The following ANKS1B variants were observed in gnomAD, a reference collection of about 807,000 sequenced individuals.
ANKS1B encodes ankyrin repeat and sterile alpha motif domain containing 1B.
ANKS1B carries 36 observed loss-of-function variants against 148.3 expected under a neutral mutation model. The observed-to-expected ratio is 0.24, with a 90% CI of 0.19 to 0.32. The LOEUF (loss-of-function observed/expected upper bound fraction) is 0.32, where lower values mean the gene tolerates loss of function less well. Ranked by LOEUF, ANKS1B falls within the 10% of genes least tolerant of loss-of-function variation. The probability of loss-of-function intolerance (pLI) is 1.00; values close to 1 mark genes in which losing one functional copy is unlikely to be tolerated. For missense variants in ANKS1B, 1,157 were observed against 1,542.6 expected (o/e 0.75, Z 4.19); for synonymous variants, 542 against 560.8 (o/e 0.97, Z 0.47).
intron 12 of ANKS1B, among the ~76,000 whole-genome samples, chr12:99,320,991 G>A (rs1244152845): frequency 6.6e-6 from 1 of 152,178 alleles, no homozygotes; most frequent in African/African-American, 2.4e-5. Context: ...GTTTGCCTGA[G>A]TATCCCCAGC....
At chr12:99,513,415 T>G (rs2096786100) in intron 9 of ANKS1B, among the ~76,000 whole-genome samples, 1 of 152,100 alleles carries the variant, frequency 6.6e-6, no homozygotes, top group Non-Finnish European at 1.5e-5. Flanking sequence ...AATTACACTG[T>G]CTTGATTAGT....
At chr12:99,074,329 TA>T (rs79798452) in intron 16 of ANKS1B, among the ~76,000 whole-genome samples, 13,658 of 138,720 alleles carry the variant, frequency 0.098, 1,395 homozygotes, top group African/African-American at 0.26. Flanking sequence ...GATAAATTCT[TA>T]AAAAAAAAAA....
intron 14 of ANKS1B, among the ~76,000 whole-genome samples, chr12:99,181,121 G>A (rs534283115): frequency 6.6e-6 from 1 of 152,212 alleles, no homozygotes; most frequent in Admixed American, 6.5e-5. Context: ...GTTCATTTCT[G>A]AAGCCTTGTG....
At chr12:99,782,167 GC>G in intron 4 of ANKS1B, 70 bp from the exon 5 acceptor site, 14 of 1,259,240 alleles carry the variant, frequency 1.1e-5, no homozygotes, top group African/African-American at 1.5e-5. Context: ...GAAATAAAAT[GC>G]TCACATTTTA....
intron 8 of ANKS1B, among the ~76,000 whole-genome samples, chr12:99,698,973 G>T (rs7299666): frequency 0.33 from 39,835 of 119,470 alleles, 5,608 homozygotes; most frequent in Non-Finnish European, 0.39. Flanking sequence ...TGTGTGTGTG[G>T]GTGTGCACGC....
At chr12:98,968,863 G>A (rs1219974362) in intron 17 of ANKS1B, among the ~76,000 whole-genome samples, 2 of 152,104 alleles carry the variant, frequency 1.3e-5, no homozygotes, top group Admixed American at 1.3e-4. Flanking sequence ...GATTAAAACT[G>A]AACTTTGCTT....
At chr12:99,952,747 T>G (rs1195482594) in intron 1 of ANKS1B, among the ~76,000 whole-genome samples, 3 of 152,192 alleles carry the variant, frequency 2.0e-5, no homozygotes, top group Non-Finnish European at 4.4e-5. Flanking sequence ...ATCAATGTCT[T>G]TTCTATAGGG....
chr12:99,467,799 G>C (rs947373641), intron 10 of ANKS1B, among the ~76,000 whole-genome samples: 18 of 152,144 alleles, frequency 1.2e-4, no homozygotes, highest in Admixed American at 3.3e-4. Flanking sequence ...AGGATACAAA[G>C]AAATGGAAGA....
chr12:98,870,446 T>A (rs1476987435), intron 17 of ANKS1B, among the ~76,000 whole-genome samples: 1 of 152,226 alleles, frequency 6.6e-6, no homozygotes, highest in Non-Finnish European at 1.5e-5. Context: ...GGGGAGCATG[T>A]GTTCTTTACT....
intron 1 of ANKS1B, among the ~76,000 whole-genome samples, chr12:99,893,072 A>T (rs547153219): frequency 1.3e-5 from 2 of 152,212 alleles, no homozygotes; most frequent in East Asian, 3.9e-4. Flanking sequence ...TGAGTCATTA[A>T]TTGGTAGAGA....
chr12:99,163,104 G>A lies in ANKS1B; in HGVS notation c.2420-8709C>T, dbSNP rs140038506. On this transcript the variant is annotated intron_variant, in intron 14 of 26. Transcript: ENST00000683438. ...GTAAATGAGTTTTAATTTATTATTTGTTGGTTATTTGTAAAAAGTTAAAAT... is the reference window on the plus strand; with the variant it reads ...GTAAATGAGTTTTAATTTATTATTTATTGGTTATTTGTAAAAAGTTAAAAT... Among the ~76,000 whole-genome samples the A allele has an allele frequency of 9.4e-3, 1,419 of 151,542 alleles. 21 individuals are homozygous for A. Among genetic ancestry groups the A allele is most frequent in the African/African-American group, 0.032 (1,343 of 41,412 alleles).
chr12:99,311,337 T>C (rs1224996188), intron 12 of ANKS1B, among the ~76,000 whole-genome samples: 1 of 151,632 alleles, frequency 6.6e-6, no homozygotes, highest in Non-Finnish European at 1.5e-5. Flanking sequence ...TGTGGGTGAG[T>C]GGGTGCATCC....
chr12:98,942,596 A>C (rs957826069), intron 17 of ANKS1B, among the ~76,000 whole-genome samples: 2 of 152,334 alleles, frequency 1.3e-5, no homozygotes, highest in East Asian at 3.9e-4. Context: ...CATTACCTGT[A>C]TATGTCTGTG....
intron 9 of ANKS1B, among the ~76,000 whole-genome samples, chr12:99,602,111 C>A (rs2097805083): frequency 6.6e-6 from 1 of 152,000 alleles, no homozygotes; most frequent in Non-Finnish European, 1.5e-5. Context: ...TCAGAAAGAT[C>A]TTGCTTCTGT....
At chr12:99,639,175 G>T (rs1598608930) in intron 9 of ANKS1B, among the ~76,000 whole-genome samples, 1 of 152,190 alleles carries the variant, frequency 6.6e-6, no homozygotes, top group African/African-American at 2.4e-5. Context: ...GATTGTTTTA[G>T]AACTTAAAGG....
rs555181158 is a variant in ANKS1B, at chr12:99,495,036, T to C, written c.1438+9440A>G. On this transcript the variant is annotated intron_variant, in intron 10 of 26. Transcript: ENST00000683438. ...AGTGAGAGACAAGGGAGGAAAAGTA[T>C]CTCAGGATTGAGGAAAGCAATACAG... 8.5e-5 allele frequency among the ~76,000 whole-genome samples: 13 copies of C among 152,224 alleles called. No homozygotes were observed. In the East Asian group the frequency reaches 1.4e-3, roughly 16 times the overall value.
intron 1 of ANKS1B, among the ~76,000 whole-genome samples, chr12:99,869,876 A>G (rs1717611228): frequency 6.6e-6 from 1 of 152,216 alleles, no homozygotes; most frequent in African/African-American, 2.4e-5. Flanking sequence ...TGAATAACTC[A>G]TGACCTTTAT....
chr12:98,916,853 C>T (rs543190809), intron 17 of ANKS1B, among the ~76,000 whole-genome samples: 1 of 152,262 alleles, frequency 6.6e-6, no homozygotes, highest in South Asian at 2.1e-4. Flanking sequence ...ATTCCTGGTA[C>T]ATATCAGATC....
intron 17 of ANKS1B, among the ~76,000 whole-genome samples, chr12:99,044,246 A>G (rs976574654): frequency 6.6e-6 from 1 of 151,448 alleles, no homozygotes; most frequent in Non-Finnish European, 1.5e-5. Context: ...TCTGCCCTAA[A>G]TATCTCAAGA....
Sources: gnomAD v4.1 joint callset for allele counts (sites outside exome capture counted in the v4.1 genomes callset) on GRCh38, gnomAD v4.1.1 for gene constraint, MANE v1.5 for transcripts, NCBI Gene and HGNC (gene_info 2026-07-23, HGNC 2026-07-21) for gene names.